Variants in GNPAT observed in about 807,000 individuals in gnomAD.
The protein encoded by GNPAT is glyceronephosphate O-acyltransferase.
In GNPAT, 30 loss-of-function variants were observed where a neutral mutation model predicts 78.4. The ratio of observed to expected loss-of-function variants is 0.38; its 90% CI spans 0.29 to 0.52. The LOEUF (loss-of-function observed/expected upper bound fraction) is 0.52, where lower values mean the gene tolerates loss of function less well. GNPAT is among the 20% of genes least tolerant of loss of function. GNPAT has a pLI of 0.84. For synonymous variants in GNPAT, 271 were observed against 281.1 expected, an observed-to-expected ratio of 0.96 and a Z score of 0.36; for missense variants, 714 against 812.2, an observed-to-expected ratio of 0.88 and a Z score of 1.47.
intron 11 of GNPAT, 128 bp from the exon 12 acceptor site, chr1:231,273,794 A>G (rs1685633624): frequency 2.7e-6 from 2 of 747,976 alleles, no homozygotes; most frequent in East Asian, 5.3e-5. Context: ...CTGTTGTCTG[A>G]GGGCATGTGG....
chr1:231,259,663 A>AAT (rs397955672), intron 2 of GNPAT, among the ~76,000 whole-genome samples: 1 of 151,154 alleles, frequency 6.6e-6, no homozygotes, highest in Non-Finnish European at 1.5e-5. Context: ...AAAAAAAAAA[A>AAT]GGTTAATTTT....
intron 14 of GNPAT, among the ~76,000 whole-genome samples, chr1:231,275,818 A>G (rs1685696450): frequency 6.6e-6 from 1 of 152,232 alleles, no homozygotes; most frequent in Admixed American, 6.5e-5. Context: ...ACACATAAAT[A>G]CACACATAAT....
chr1:231,244,113 C>T (rs528937943), intron 1 of GNPAT, among the ~76,000 whole-genome samples: 12 of 152,100 alleles, frequency 7.9e-5, no homozygotes, highest in African/African-American at 2.7e-4. Flanking sequence ...TTCACCATGT[C>T]GGCCAGGCTG....
chr1:231,274,728 T>C lies in GNPAT; in HGVS notation c.1744-493T>C, dbSNP rs116203134. Among the ~76,000 whole-genome samples, 1,250 of 152,296 alleles carry C rather than the reference T, an allele frequency of 8.2e-3. 12 individuals carry two copies. Among genetic ancestry groups the C allele is most frequent in the Non-Finnish European group, 0.012 (784 of 68,012 alleles). On this transcript the variant is annotated intron_variant, in intron 12 of 15. Transcript: ENST00000366647. ...GGCACCTGGACCCACTTCCTGGTGC[T>C]TGTGGTCCGTGAAATAACTCATTCA...
chr1:231,268,419 A>G (rs1685452836), intron 9 of GNPAT, among the ~76,000 whole-genome samples: 1 of 151,994 alleles, frequency 6.6e-6, no homozygotes, highest in Non-Finnish European at 1.5e-5. Flanking sequence ...CCACTACGAG[A>G]CTCTGAATAT....
At chr1:231,263,159 G>T (rs1019582037) in intron 4 of GNPAT, among the ~76,000 whole-genome samples, 1 of 152,084 alleles carries the variant, frequency 6.6e-6, no homozygotes, top group African/African-American at 2.4e-5. Flanking sequence ...ACCTCTCTAG[G>T]CAATAAATAG....
At position 231,270,740 on chromosome 1, in the gene GNPAT, A is replaced by G; in HGVS notation, c.1280-18A>G. 6.2e-7 allele frequency: 1 copy of G among 1,613,890 alleles called. No homozygotes were observed. The highest frequency in any genetic ancestry group is 1.3e-5 in the African/African-American group (1 of 75,038). ...TGCAGTGACCCATCTTGTTTGAATG[A>G]ATTGTCTTTGTGTGTAGATAATAAA... On this transcript the variant is annotated intron_variant, in intron 9 of 15. Transcript: ENST00000366647.
At chr1:231,250,607 C>T (rs1268870226) in intron 1 of GNPAT, among the ~76,000 whole-genome samples, 1 of 152,032 alleles carries the variant, frequency 6.6e-6, no homozygotes, top group Non-Finnish European at 1.5e-5. Context: ...TAAGTAGAGG[C>T]AAATGGAACA....
chr1:231,267,684 A>C lies in GNPAT; in HGVS notation c.1060A>C (p.Ile354Leu). Residue 354 changes from isoleucine (I) to leucine (L), a missense_variant, in exon 9 of 16, where the codon ATT becomes CTT. Physicochemically the swap from Ile to Leu is conservative, Grantham distance 5 (BLOSUM62 2). Coordinates refer to ENST00000366647, the MANE Select transcript of GNPAT (RefSeq NM_014236.4). Reference sequence around the variant, plus strand: ...GCTCTGTGCTCTTCCTTTTAGATACATTCCTCAGAAACAGTCTGAGGACAT... The same window carrying C: ...GCTCTGTGCTCTTCCTTTTAGATACCTTCCTCAGAAACAGTCTGAGGACAT... ...RSSYNLVPRY[I>L]PQKQSEDMHA... The C allele has an allele frequency of 1.3e-6, 2 of 1,551,250 alleles. No homozygotes were observed. Among genetic ancestry groups the C allele is most frequent in the Non-Finnish European group, 1.8e-6 (2 of 1,122,564 alleles).
chr1:231,250,076 C>T (rs1436157432), intron 1 of GNPAT, among the ~76,000 whole-genome samples: 4 of 127,518 alleles, frequency 3.1e-5, no homozygotes, highest in African/African-American at 9.3e-5. Flanking sequence ...CAAGACTGTA[C>T]CTCTTTATTA....
At chr1:231,257,768 C>G (rs567365698) in intron 2 of GNPAT, among the ~76,000 whole-genome samples, 1 of 152,274 alleles carries the variant, frequency 6.6e-6, no homozygotes, top group South Asian at 2.1e-4. Context: ...GACTTTTTAT[C>G]TCCAGCTGTC....
intron 2 of GNPAT, among the ~76,000 whole-genome samples, chr1:231,251,870 G>A (rs1391084807): frequency 6.6e-6 from 1 of 152,148 alleles, no homozygotes; most frequent in African/African-American, 2.4e-5. Context: ...TCTCAACACT[G>A]GCTTCCCCTT....
intron 12 of GNPAT, 25 bp from the exon 13 acceptor site, chr1:231,275,196 C>G (rs1685676595): frequency 3.8e-6 from 5 of 1,329,660 alleles, no homozygotes; most frequent in African/African-American, 1.4e-5. Context: ...CTTTCTGTTC[C>G]CCTCATCCTT....
Position 231,256,479 on chromosome 1 carries a change from CTTTTTT to C in GNPAT, c.262-4008_262-4003del, listed in dbSNP as rs10693276. Among the ~76,000 whole-genome samples the C allele has an allele frequency of 9.2e-3, 701 of 75,920 alleles. 9 individuals carry two copies. Among genetic ancestry groups the C allele is most frequent in the African/African-American group, 0.037 (660 of 17,870 alleles). 49.8% of individuals were successfully genotyped at this position (75,920 alleles called of 152,430 possible). A position where few individuals can be genotyped will look rare whatever the true frequency, so the allele number is the denominator to read the frequency against. ...CAGTCACTAAGACTGCTAATTTTCT[CTTTTTT>C]TTTTTTTTTTTTTTTTTTTGAGAGG... On this transcript the variant is annotated intron_variant, in intron 2 of 15. Coordinates refer to ENST00000366647, the MANE Select transcript of GNPAT (RefSeq NM_014236.4).
At position 231,267,624 on chromosome 1, in the gene GNPAT, C is replaced by G. The variant is rs1225128174; in HGVS notation, c.1056-56C>G. 9 of 996,402 alleles carry G rather than the reference C, an allele frequency of 9.0e-6. No individual in the cohort carries two copies. In the East Asian group the frequency reaches 2.1e-4, roughly 24 times the overall value. 61.7% of individuals were successfully genotyped at this position (996,402 alleles called of 1,614,324 possible). A position where few individuals can be genotyped will look rare whatever the true frequency, so the allele number is the denominator to read the frequency against. ...TAAAACGTCTAGAGTCTTTTTCCAT[C>G]CCCATTTGTCTAAGTAACAGAACTG... On this transcript the variant is annotated intron_variant, in intron 8 of 15. Coordinates refer to ENST00000366647, the MANE Select transcript of GNPAT (RefSeq NM_014236.4).
intron 8 of GNPAT, among the ~76,000 whole-genome samples, chr1:231,266,805 A>G (rs1685402248): frequency 6.6e-6 from 1 of 152,216 alleles, no homozygotes; most frequent in South Asian, 2.1e-4. Context: ...AATGGGAGTG[A>G]GTCCTTAGTC....
chr1:231,262,146 C>T (rs1228447320), intron 3 of GNPAT, among the ~76,000 whole-genome samples: 2 of 152,234 alleles, frequency 1.3e-5, no homozygotes, highest in Non-Finnish European at 2.9e-5. Flanking sequence ...GACACCCATT[C>T]ACCCTGGCAG....
At position 231,277,846 on chromosome 1, in the gene GNPAT, T is replaced by TA. The variant is rs1349946087; in HGVS notation, c.*307dup. The TA allele has an allele frequency of 7.5e-6, 2 of 266,334 alleles. No individual in the cohort carries two copies. The highest frequency in any genetic ancestry group is 1.2e-3 in the Middle Eastern group (1 of 814). 16.5% of individuals were successfully genotyped at this position (266,334 alleles called of 1,614,324 possible). ...ACACTTTTCAGCTTACTATATGTAT[T>TA]AAACTTTTATGTTGACTTTTGAATT... is the stretch of plus-strand genomic sequence containing the variant. On this transcript the variant is annotated 3_prime_UTR_variant, in exon 16 of 16. Transcript: ENST00000366647.
chr1:231,257,270 G>A (rs748742828), intron 2 of GNPAT, among the ~76,000 whole-genome samples: 3 of 152,054 alleles, frequency 2.0e-5, no homozygotes, highest in South Asian at 2.1e-4. Context: ...TTTCCATCCA[G>A]GGGAAAGTCC....
Sources: allele counts gnomAD v4.1 joint callset (sites outside exome capture counted in the v4.1 genomes callset), GRCh38; gene constraint gnomAD v4.1.1; transcripts MANE v1.5; gene names NCBI Gene and HGNC (gene_info 2026-07-23, HGNC 2026-07-21).